Variants in GLI2 observed in about 807,000 individuals in gnomAD.
GLI2 encodes GLI family zinc finger 2, also known as transcription activator GLI2.
A neutral mutation model predicts 78.9 loss-of-function variants in GLI2; 22 were observed. That is an observed-to-expected ratio of 0.28 (90% CI 0.20 to 0.40). GLI2 has a LOEUF of 0.40. Among genes scored for constraint, GLI2 ranks in the 10% least tolerant of loss-of-function variants. The pLI is 1.00. For synonymous variants in GLI2, 974 were observed against 963.7 expected (o/e 1.01, Z -0.20); for missense variants, 2,097 against 2,213.2 (o/e 0.95, Z 1.05).
At chr2:120,830,513 C>T (rs1573446416) in intron 2 of GLI2, among the ~76,000 whole-genome samples, 1 of 152,236 alleles carries the variant, frequency 6.6e-6, no homozygotes, top group Admixed American at 6.5e-5. Context: ...CACGGATGCC[C>T]ACCAGGCCCC....
At position 120,988,718 on chromosome 2, in the gene GLI2, T is replaced by C. The variant is rs1258360366; in HGVS notation, c.2753T>C (p.Leu918Pro). 8.3e-7 allele frequency: 1 copy of C among 1,207,700 alleles called. No homozygotes were observed. 74.8% of individuals were successfully genotyped at this position (1,207,700 alleles called of 1,614,324 possible). ...CTGCCCGCCGGCTGCCCACGCCCACTGGGGCCGCGGCGTGGCAGCGACGGG... is the reference window on the plus strand; with the variant it reads ...CTGCCCGCCGGCTGCCCACGCCCACCGGGGCCGCGGCGTGGCAGCGACGGG... ...RTLPAGCPRP[L>P]GPRRGSDGPT... is the part of the protein sequence containing the mutation. The change falls in exon 14 of 14, where the codon CTG becomes CCG. Residue 918 changes from leucine to proline, a missense_variant. By Grantham distance (98) the Leu-to-Pro change is moderately conservative. Coordinates refer to ENST00000361492, the MANE Select transcript of GLI2 (RefSeq NM_001374353.1).
intron 2 of GLI2, among the ~76,000 whole-genome samples, chr2:120,914,371 G>A (rs1339185416): frequency 6.6e-6 from 1 of 152,246 alleles, no homozygotes; most frequent in Non-Finnish European, 1.5e-5. Flanking sequence ...CCTGCTTTCT[G>A]CATTGGATTC....
intron 2 of GLI2, among the ~76,000 whole-genome samples, chr2:120,891,470 C>T (rs1677676838): frequency 6.6e-6 from 1 of 152,186 alleles, no homozygotes; most frequent in African/African-American, 2.4e-5. Flanking sequence ...AACCAGTTCA[C>T]ATTTTTCAGG....
At chr2:120,774,902 C>T (rs1225948522) in intron 1 of GLI2, among the ~76,000 whole-genome samples, 1 of 152,224 alleles carries the variant, frequency 6.6e-6, no homozygotes, top group African/African-American at 2.4e-5. Flanking sequence ...ACCCCAGATC[C>T]TTTTCTGTGA....
intron 3 of GLI2, among the ~76,000 whole-genome samples, chr2:120,928,000 C>G (rs901205330): frequency 6.6e-6 from 1 of 152,202 alleles, no homozygotes; most frequent in Non-Finnish European, 1.5e-5. Flanking sequence ...CTCCACCTGC[C>G]TAACCCTGTC....
chr2:120,776,109 C>A (rs1284546451), intron 1 of GLI2, among the ~76,000 whole-genome samples: 1 of 152,266 alleles, frequency 6.6e-6, no homozygotes, highest in East Asian at 1.9e-4. Flanking sequence ...CCCGGACCAC[C>A]CCCATCAGGT....
chr2:120,989,523 A>ACACCTGCAGCCC lies in GLI2; in HGVS notation c.3560_3571dup (p.His1187_Pro1190dup), dbSNP rs1414673356. 1 of 1,612,388 alleles carries ACACCTGCAGCCC rather than the reference A, an allele frequency of 6.2e-7. No homozygotes were observed. Among genetic ancestry groups the ACACCTGCAGCCC allele is most frequent in the Admixed American group, 1.7e-5 (1 of 59,960 alleles). ...CTGGGGGCCTGGACAGCACGCAGCCACACCTGCAGCCCCGCAGCGGAGCCC... is the reference window on the plus strand; with the variant it reads ...CTGGGGGCCTGGACAGCACGCAGCCACACCTGCAGCCCCACCTGCAGCCCCGCAGCGGAGCCC... On this transcript the variant is annotated inframe_insertion, in exon 14 of 14. Transcript: ENST00000361492.
chr2:120,814,374 T>C (rs1387329609), intron 2 of GLI2, among the ~76,000 whole-genome samples: 1 of 152,220 alleles, frequency 6.6e-6, no homozygotes, highest in Non-Finnish European at 1.5e-5. Context: ...TGGTTAAACA[T>C]GAATGCTGAT....
chr2:120,897,602 A>C (rs564658580), intron 2 of GLI2, among the ~76,000 whole-genome samples: 4 of 152,294 alleles, frequency 2.6e-5, no homozygotes, highest in African/African-American at 9.6e-5. Flanking sequence ...ACCAACCTGA[A>C]ATCCCTTACC....
At chr2:120,812,472 G>A (rs1047479746) in intron 2 of GLI2, among the ~76,000 whole-genome samples, 1 of 152,196 alleles carries the variant, frequency 6.6e-6, no homozygotes, top group Non-Finnish European at 1.5e-5. Context: ...CTGAGACGCA[G>A]GCCGGATTAC....
At chr2:120,931,749 A>G (rs890946664) in intron 3 of GLI2, among the ~76,000 whole-genome samples, 1 of 152,128 alleles carries the variant, frequency 6.6e-6, no homozygotes, top group African/African-American at 2.4e-5. Flanking sequence ...AGGCACAGTG[A>G]CTTCTGTGTG....
chr2:120,919,778 C>T (rs898432535), intron 2 of GLI2, among the ~76,000 whole-genome samples: 3 of 152,256 alleles, frequency 2.0e-5, no homozygotes, highest in Admixed American at 6.5e-5. Flanking sequence ...AGGCCTCATG[C>T]GCCCTTCCTT....
intron 2 of GLI2, among the ~76,000 whole-genome samples, chr2:120,830,615 C>A (rs13431429): frequency 2.6e-5 from 4 of 152,208 alleles, no homozygotes; most frequent in African/African-American, 4.8e-5. Flanking sequence ...AGAGCAGGGA[C>A]GGGGCCTGTT....
rs560675280 is a variant in GLI2 at position 120,906,618 on chromosome 2, A to G, written c.149-20743A>G. On this transcript the variant is annotated intron_variant, in intron 2 of 13. Coordinates refer to ENST00000361492, the MANE Select transcript of GLI2 (RefSeq NM_001374353.1). ...AATGTCTCCCAGAGGACAGCCTCCC[A>G]CCAAGAGCTGAGCCCCCAGCTCTGG... Among the ~76,000 whole-genome samples, 4 of 151,926 alleles carry G rather than the reference A, an allele frequency of 2.6e-5. No individual in the cohort carries two copies. In the East Asian group the frequency reaches 7.8e-4, roughly 30 times the overall value.
At chr2:120,799,074 G>A (rs1011079878) in intron 2 of GLI2, among the ~76,000 whole-genome samples, 1 of 152,242 alleles carries the variant, frequency 6.6e-6, no homozygotes, top group Non-Finnish European at 1.5e-5. Context: ...GCAGTAATTA[G>A]ACAGTAATTA....
At chr2:120,771,918 A>G (rs1440358435) in intron 1 of GLI2, among the ~76,000 whole-genome samples, 1 of 152,176 alleles carries the variant, frequency 6.6e-6, no homozygotes, top group African/African-American at 2.4e-5. Flanking sequence ...TTATGCCTCC[A>G]GTGCTTGGAT....
intron 6 of GLI2, 138 bp downstream of exon 6, chr2:120,969,053 G>C (rs539158956): frequency 5.8e-6 from 4 of 691,794 alleles, no homozygotes; most frequent in Admixed American, 2.1e-5. Flanking sequence ...CCACATACTT[G>C]CACCTTTTTT....
intron 2 of GLI2, among the ~76,000 whole-genome samples, chr2:120,823,554 C>A (rs1311937595): frequency 1.3e-5 from 2 of 152,202 alleles, no homozygotes; most frequent in Non-Finnish European, 2.9e-5. Flanking sequence ...TTCTGATCTG[C>A]CCTCTTATAG....
At chr2:120,987,520 G>C (rs1290467758) in intron 13 of GLI2, among the ~76,000 whole-genome samples, 1 of 152,194 alleles carries the variant, frequency 6.6e-6, no homozygotes, top group Non-Finnish European at 1.5e-5. Flanking sequence ...TGGGGGTCCT[G>C]GGCTCCCTGT....
Sources: gnomAD v4.1 joint callset for allele counts (sites outside exome capture counted in the v4.1 genomes callset) on GRCh38, gnomAD v4.1.1 for gene constraint, MANE v1.5 for transcripts, NCBI Gene and HGNC (gene_info 2026-07-23, HGNC 2026-07-21) for gene names.